Variants in SLCO3A1 observed in about 807,000 individuals in gnomAD.
SLCO3A1 encodes the protein PGE1 transporter.
A neutral mutation model predicts 63.1 loss-of-function variants in SLCO3A1; 27 were observed. The ratio of observed to expected loss-of-function variants is 0.43; its 90% CI spans 0.32 to 0.59. SLCO3A1 has a LOEUF of 0.59. Ranked by LOEUF, SLCO3A1 falls within the 20% of genes least tolerant of loss-of-function variation. The pLI is 0.09. For synonymous variants in SLCO3A1, 473 were observed against 409.9 expected (o/e 1.15, Z -1.86); for missense variants, 773 against 945.8 (o/e 0.82, Z 2.40).
Position 91,886,773 on chromosome 15 carries a change from T to A in SLCO3A1, c.181-29220T>A, listed in dbSNP as rs1207965762. Among the ~76,000 whole-genome samples the A allele has an allele frequency of 6.6e-6, 1 of 152,236 alleles. No individual in the cohort carries two copies. The highest frequency in any genetic ancestry group is 1.5e-5 in the Non-Finnish European group (1 of 68,046). The stretch of plus-strand genomic sequence containing the variant: ...CGATGTGATGGCCCTCTGTTGATTC[T>A]CTTTAAAAGTTGTGAATGTGAGTAA... On this transcript the variant is annotated intron_variant, in intron 1 of 9. Transcript: ENST00000318445. The surrounding 1 kb of genome is among the most constrained non-coding windows in gnomAD (Gnocchi z 4.9).
rs1220652328 is a variant in SLCO3A1 at position 92,165,069 on chromosome 15, G to A, written c.*1934G>A. ...AATGGTTGGGAGTGGGACAGGTATGGTACCGAATTTTTAATGAACATTGTA... is the reference window on the plus strand; with the variant it reads ...AATGGTTGGGAGTGGGACAGGTATGATACCGAATTTTTAATGAACATTGTA... On this transcript the variant is annotated 3_prime_UTR_variant, in exon 10 of 10. Coordinates refer to ENST00000318445, the MANE Select transcript of SLCO3A1 (RefSeq NM_013272.4). The A allele has an allele frequency of 6.1e-6, 6 of 985,264 alleles. No individual in the cohort carries two copies. Among genetic ancestry groups the A allele is most frequent in the East Asian group, 1.1e-4 (1 of 8,828 alleles). 61.0% of individuals were successfully genotyped at this position (985,264 alleles called of 1,614,324 possible). A position where few individuals can be genotyped will look rare whatever the true frequency, so the allele number is the denominator to read the frequency against.
At chr15:92,110,800 G>A (rs962276996) in intron 4 of SLCO3A1, among the ~76,000 whole-genome samples, 4 of 152,056 alleles carry the variant, frequency 2.6e-5, no homozygotes. Flanking sequence ...GGGAGTAAAT[G>A]GATTGCCGCT....
rs2048163397 is a variant in SLCO3A1 at position 92,143,391 on chromosome 15, T to TGTA, written c.1513-3593_1513-3592insGTA. On this transcript the variant is annotated intron_variant, in intron 7 of 9. Coordinates refer to ENST00000318445, the MANE Select transcript of SLCO3A1 (RefSeq NM_013272.4). ...TATTATATAATATATATAATATATA[T>TGTA]ATTATATAATATATATAATATATAT... Among the ~76,000 whole-genome samples, 4 of 7,696 alleles carry TGTA rather than the reference T, an allele frequency of 5.2e-4. 2 individuals carry two copies. The highest frequency in any genetic ancestry group is 4.3e-3 in the African/African-American group (4 of 940). 5.0% of individuals were successfully genotyped at this position (7,696 alleles called of 152,430 possible).
chr15:92,043,061 T>C (rs1249539690), intron 2 of SLCO3A1, among the ~76,000 whole-genome samples: 4 of 152,176 alleles, frequency 2.6e-5, no homozygotes, highest in Non-Finnish European at 5.9e-5. Context: ...GTCACAGACA[T>C]GGCTGTTTGA....
At position 91,950,989 on chromosome 15, in the gene SLCO3A1, A is replaced by G. The variant is rs1031468705; in HGVS notation, c.646+34531A>G. On this transcript the variant is annotated intron_variant, in intron 2 of 9. Coordinates refer to ENST00000318445, the MANE Select transcript of SLCO3A1 (RefSeq NM_013272.4). The surrounding 1 kb of genome is among the most constrained non-coding windows in gnomAD (Gnocchi z 4.4). ...GCTATTGTGTGTATTCTCTTAGTAA[A>G]GTCAGTTCCCACAGTTCCCTGGGGG... Among the ~76,000 whole-genome samples, 18 of 152,198 alleles carry G rather than the reference A, an allele frequency of 1.2e-4. 1 individual carries two copies. Among genetic ancestry groups the G allele is most frequent in the Non-Finnish European group, 1.5e-5 (1 of 68,034 alleles).
At chr15:92,130,534 G>C (rs1374580022) in intron 7 of SLCO3A1, among the ~76,000 whole-genome samples, 5 of 152,274 alleles carry the variant, frequency 3.3e-5, no homozygotes, top group South Asian at 2.1e-4. Context: ...AGTGGATGAG[G>C]GATTTGGAGA....
intron 8 of SLCO3A1, 131 bp from the exon 9 acceptor site, chr15:92,150,819 A>T (rs1381507490): frequency 7.1e-6 from 4 of 565,734 alleles, no homozygotes; most frequent in Non-Finnish European, 1.2e-5. Flanking sequence ...TAGTAATTTT[A>T]AAAAAGACAC....
chr15:92,172,087 T>C (rs933137522), exon 11 of SLCO3A1: 1 of 494,468 alleles, frequency 2.0e-6, no homozygotes, highest in Non-Finnish European at 3.6e-6. Flanking sequence ...AGTAGGCATC[T>C]TTCCTGGGTC....
At chr15:92,156,307 G>A (rs1009455844) in intron 9 of SLCO3A1, among the ~76,000 whole-genome samples, 10 of 152,246 alleles carry the variant, frequency 6.6e-5, no homozygotes, top group African/African-American at 1.2e-4. Context: ...TTGTTCATTC[G>A]GCGAACATAT....
chr15:92,004,333 C>T (rs989059269), intron 2 of SLCO3A1, among the ~76,000 whole-genome samples: 10 of 152,192 alleles, frequency 6.6e-5, no homozygotes, highest in Non-Finnish European at 8.8e-5. Flanking sequence ...CGATGGTGTC[C>T]GTCTCATGGA....
rs1038704946 is a variant in SLCO3A1, at chr15:92,041,509, G to A, written c.647-53372G>A. Among the ~76,000 whole-genome samples the A allele has an allele frequency of 5.9e-5, 9 of 152,312 alleles. No individual in the cohort carries two copies. In the East Asian group the frequency reaches 1.5e-3, roughly 26 times the overall value. ...GTATGCTGTGAATTCAGGGAACAGG[G>A]AAAGCAATGGTAGACTATGCCAGCC... On this transcript the variant is annotated intron_variant, in intron 2 of 9. Coordinates refer to ENST00000318445, the MANE Select transcript of SLCO3A1 (RefSeq NM_013272.4).
intron 2 of SLCO3A1, among the ~76,000 whole-genome samples, chr15:91,931,796 C>CACACAT (rs1597132691): frequency 1.3e-5 from 2 of 150,036 alleles, no homozygotes. Flanking sequence ...GAAACACACA[C>CACACAT]ACACGCACAC....
At chr15:92,103,573 C>T (rs948771450) in intron 3 of SLCO3A1, among the ~76,000 whole-genome samples, 1 of 152,030 alleles carries the variant, frequency 6.6e-6, no homozygotes, top group African/African-American at 2.4e-5. Context: ...CCATAAATAA[C>T]AGGCTACCAT....
At chr15:91,861,397 G>C (rs1026704359) in intron 1 of SLCO3A1, among the ~76,000 whole-genome samples, 1 of 152,130 alleles carries the variant, frequency 6.6e-6, no homozygotes, top group Non-Finnish European at 1.5e-5. Flanking sequence ...GTTTTGAGTC[G>C]AGTGCCTCTG....
chr15:92,033,744 G>A lies in SLCO3A1; in HGVS notation c.647-61137G>A, dbSNP rs377681740. On this transcript the variant is annotated intron_variant, in intron 2 of 9. Transcript: ENST00000318445. The surrounding 1 kb of genome is among the most constrained non-coding windows in gnomAD (Gnocchi z 4.5). ...TGGCAAAAAAGACGGGGATAGGAGT[G>A]TTGGGAGTCGTACAGTTTTAGTGTC... 2.9e-4 allele frequency among the ~76,000 whole-genome samples: 44 copies of A among 152,312 alleles called. No homozygotes were observed. The East Asian group carries it at 8.3e-3, about 29-fold the overall frequency.
chr15:92,108,130 G>A (rs539665953), intron 4 of SLCO3A1, among the ~76,000 whole-genome samples: 2 of 152,288 alleles, frequency 1.3e-5, no homozygotes, highest in South Asian at 2.1e-4. Flanking sequence ...TGGAAAGCCC[G>A]GAGTCTTGCT....
At chr15:91,858,385 T>C (rs188962527) in intron 1 of SLCO3A1, among the ~76,000 whole-genome samples, 27 of 152,260 alleles carry the variant, frequency 1.8e-4, no homozygotes, top group African/African-American at 6.5e-4. Flanking sequence ...TACCTTGATT[T>C]TTTTTTTCCT....
chr15:91,943,499 G>T (rs150946356), intron 2 of SLCO3A1, among the ~76,000 whole-genome samples: 4 of 152,304 alleles, frequency 2.6e-5, no homozygotes, highest in Non-Finnish European at 4.4e-5. Flanking sequence ...TGGACACTAG[G>T]ATTGCTTGCA....
intron 8 of SLCO3A1, among the ~76,000 whole-genome samples, chr15:92,148,128 G>C (rs893052905): frequency 6.6e-6 from 1 of 152,206 alleles, no homozygotes; most frequent in Non-Finnish European, 1.5e-5. Flanking sequence ...GAATTGCTTA[G>C]ACCCAGGAGG....
Sources: allele counts gnomAD v4.1 joint callset (sites outside exome capture counted in the v4.1 genomes callset), GRCh38; gene constraint gnomAD v4.1.1; non-coding constraint Gnocchi (gnomAD v3.1); transcripts MANE v1.5; gene names NCBI Gene and HGNC (gene_info 2026-07-23, HGNC 2026-07-21).